The following ZSCAN31 variants were observed in gnomAD, a reference collection of about 807,000 sequenced individuals.
ZSCAN31 encodes zinc finger and SCAN domain-containing protein 31.
Under a neutral mutation model 22.5 loss-of-function variants are expected in ZSCAN31, and 14 were observed. That is an observed-to-expected ratio of 0.62 (90% CI 0.41 to 0.97). The LOEUF is 0.97. Ranked by LOEUF, ZSCAN31 falls within the 50% of genes least tolerant of loss-of-function variation. The pLI, the probability that ZSCAN31 is intolerant of heterozygous loss-of-function variation, is 0.00. For missense variants in ZSCAN31, 424 were observed against 483.4 expected (o/e 0.88, Z 1.15); for synonymous variants, 168 against 169.8 (o/e 0.99, Z 0.08).
chr6:28,334,983 A>G (rs1764029779), intron 1 of ZSCAN31, among the ~76,000 whole-genome samples: 1 of 152,232 alleles, frequency 6.6e-6, no homozygotes, highest in South Asian at 2.1e-4. Flanking sequence ...CAAACATTGC[A>G]TAATGTTGAC....
intron 2 of ZSCAN31, among the ~76,000 whole-genome samples, chr6:28,345,435 A>G (rs1764606193): frequency 6.6e-6 from 1 of 152,214 alleles, no homozygotes; most frequent in African/African-American, 2.4e-5. Flanking sequence ...GATGGAGGCT[A>G]TCTATGCCTA....
At chr6:28,327,231 G>T (rs1763351299) in intron 3 of ZSCAN31, 152 bp downstream of exon 3, 2 of 835,926 alleles carry the variant, frequency 2.4e-6, no homozygotes. Context: ...GAAGGCACAG[G>T]GAGGTTACCT....
In ZSCAN31 at chr6:28,327,829, G is replaced by T. The variant is rs1247263706; in HGVS notation, c.382-296C>A. 3.3e-5 allele frequency among the ~76,000 whole-genome samples: 5 copies of T among 152,064 alleles called. No homozygotes were observed. In the South Asian group the frequency reaches 6.2e-4, roughly 19 times the overall value. On this transcript the variant is annotated intron_variant, in intron 2 of 3. Coordinates refer to ENST00000344279, the MANE Select transcript of ZSCAN31 (RefSeq NM_030899.5). ...AATAGAAAGTGAGGCAGACGAGATG[G>T]TATATAACTTCTGAGTCGTAAAAAG...
chr6:28,342,483 C>T (rs1764452706), intron 2 of ZSCAN31, among the ~76,000 whole-genome samples: 1 of 152,128 alleles, frequency 6.6e-6, no homozygotes, highest in South Asian at 2.1e-4. Flanking sequence ...ACTGGGTCTG[C>T]AAAGGGAGTA....
At position 28,329,402 on chromosome 6, in the gene ZSCAN31, C is replaced by G. The variant is rs773738933; in HGVS notation, c.282G>C (p.Glu94Asp). ...LEQFLTILPE[E>D]LQAWVREHHP... ...GGTGCTCCCGCACCCAGGCCTGGAG[C>G]TCCTCAGGCAGGATAGTCAGGAATT... Residue 94 changes from glutamate (E) to aspartate (D), a missense_variant, in exon 2 of 4, where the codon GAG becomes GAC. By Grantham distance (45) the Glu-to-Asp change is conservative. Transcript: ENST00000344279. 3 of 1,614,234 alleles carry G rather than the reference C, an allele frequency of 1.9e-6. No individual in the cohort carries two copies. The South Asian group carries it at 3.3e-5, about 18-fold the overall frequency.
At chr6:28,355,732 G>A (rs534527895), upstream of ZSCAN31, 5 of 152,308 alleles carry the variant, frequency 3.3e-5, no homozygotes, top group African/African-American at 1.2e-4. Flanking sequence ...CATATGTTGG[G>A]GCTATGCATA....
rs200975504 is a variant in ZSCAN31, at chr6:28,329,583, C to A, written c.101G>T (p.Gly34Val). 6.2e-7 allele frequency: 1 copy of A among 1,614,058 alleles called. No individual in the cohort carries two copies. Among genetic ancestry groups the A allele is most frequent in the African/African-American group, 1.3e-5 (1 of 74,926 alleles). The change falls in exon 2 of 4, where the codon GGC becomes GTC. Residue 34 changes from glycine to valine, a missense_variant. Transcript: ENST00000344279. ...ETHLRGNNFS[G>V]QEASRQLFRQ... ...AAAAAGTTGTCGGGAGGCTTCTTGGCCAGAAAAGTTGTTCCCTCGAAGGTG... is the reference window on the plus strand; with the variant it reads ...AAAAAGTTGTCGGGAGGCTTCTTGGACAGAAAAGTTGTTCCCTCGAAGGTG...
intron 2 of ZSCAN31, among the ~76,000 whole-genome samples, chr6:28,348,173 T>C (rs1764728741): frequency 6.6e-6 from 1 of 152,170 alleles, no homozygotes; most frequent in African/African-American, 2.4e-5. Flanking sequence ...TTTAATTTAA[T>C]TGTCTTTACC....
At chr6:28,344,210 G>A (rs1468896572) in intron 2 of ZSCAN31, among the ~76,000 whole-genome samples, 1 of 152,148 alleles carries the variant, frequency 6.6e-6, no homozygotes, top group African/African-American at 2.4e-5. Flanking sequence ...CTGTCACACG[G>A]GTTTTTTGGC....
chr6:28,336,605 G>C (rs747731812), upstream of ZSCAN31, among the ~76,000 whole-genome samples: 1 of 152,170 alleles, frequency 6.6e-6, no homozygotes, highest in Non-Finnish European at 1.5e-5. Context: ...TTCCAACTGG[G>C]GACAGATGTG....
chr6:28,355,036 C>T (rs948535234), upstream of ZSCAN31, among the ~76,000 whole-genome samples: 3 of 152,194 alleles, frequency 2.0e-5, no homozygotes, highest in East Asian at 1.9e-4. Flanking sequence ...CAACAGCAGT[C>T]CAGGTAGCAG....
chr6:28,328,366 G>A (rs1340203117), intron 2 of ZSCAN31, among the ~76,000 whole-genome samples: 3 of 152,128 alleles, frequency 2.0e-5, no homozygotes, highest in Non-Finnish European at 2.9e-5. Flanking sequence ...AGATGGCTAC[G>A]CCCAGGGGGG....
intron 1 of ZSCAN31, among the ~76,000 whole-genome samples, chr6:28,335,624 A>T (rs1480903614): frequency 6.6e-6 from 1 of 152,100 alleles, no homozygotes; most frequent in Admixed American, 6.5e-5. Context: ...GCAGCTATGA[A>T]TCATCATTTC....
intron 2 of ZSCAN31, among the ~76,000 whole-genome samples, chr6:28,345,495 C>T (rs1460912981): frequency 3.3e-5 from 5 of 152,104 alleles, no homozygotes; most frequent in African/African-American, 1.2e-4. Flanking sequence ...ACTGAATGTC[C>T]AACTTACTTG....
upstream of ZSCAN31, chr6:28,355,721 A>T (rs1765378907): frequency 6.6e-6 from 1 of 152,188 alleles, no homozygotes; most frequent in Non-Finnish European, 1.5e-5. Flanking sequence ...TAAGATCATG[A>T]CATATGTTGG....
chr6:28,327,501 C>T lies in ZSCAN31; in HGVS notation c.414G>A (p.Val138=), dbSNP rs1315234312. The change falls in exon 3 of 4, where the codon GTG becomes GTA. Residue 138 remains valine (V), a synonymous_variant. Coordinates refer to ENST00000344279, the MANE Select transcript of ZSCAN31 (RefSeq NM_030899.5). The stretch of plus-strand genomic sequence containing the variant: ...TCAGATGTTCCACATCCTCCAAGAG[C>T]ACTTCAGAATGTCCATGTTCATGGT... The part of the protein sequence containing the change: ...APDHEHGHSE[V]LLEDVEHLKV... The T allele has an allele frequency of 6.2e-7, 1 of 1,613,638 alleles. No homozygotes were observed. The highest frequency in any genetic ancestry group is 8.5e-7 in the Non-Finnish European group (1 of 1,180,012).
At chr6:28,355,888 G>T (rs931679423), upstream of ZSCAN31, among the ~76,000 whole-genome samples, 2 of 152,146 alleles carry the variant, frequency 1.3e-5, no homozygotes, top group African/African-American at 4.8e-5. Context: ...GTTGTCAAGT[G>T]GCCTATCAAA....
intron 3 of ZSCAN31, chr6:28,341,734 T>C (rs60568488): frequency 0.099 from 15,122 of 152,236 alleles, 1,112 homozygotes; most frequent in East Asian, 0.31. Context: ...AAGGGACTGG[T>C]TTCTATCTTA....
chr6:28,327,834 T>C (rs1763414270), intron 2 of ZSCAN31, among the ~76,000 whole-genome samples: 1 of 152,152 alleles, frequency 6.6e-6, no homozygotes, highest in South Asian at 2.1e-4. Flanking sequence ...AGATGGTATA[T>C]AACTTCTGAG....
Sources: gnomAD v4.1 joint callset for allele counts (sites outside exome capture counted in the v4.1 genomes callset) on GRCh38, gnomAD v4.1.1 for gene constraint, MANE v1.5 for transcripts, NCBI Gene and HGNC (gene_info 2026-07-23, HGNC 2026-07-21) for gene names.